DLGAP1: variants seen among roughly 807,000 people sequenced by gnomAD.
The protein encoded by DLGAP1 is disks large-associated protein 1.
A neutral mutation model predicts 90.8 loss-of-function variants in DLGAP1; 11 were observed. That is an observed-to-expected ratio of 0.12 (90% CI 0.08 to 0.20). The LOEUF is 0.20. DLGAP1 is among the 10% of genes least tolerant of loss of function. The pLI is 1.00. For synonymous variants in DLGAP1, 558 were observed against 540.7 expected (o/e 1.03, Z -0.44); for missense variants, 1,050 against 1,333.8 (o/e 0.79, Z 3.31).
chr18:4,157,935 T>C (rs1030777702), intron 1 of DLGAP1, among the ~76,000 whole-genome samples: 8 of 152,152 alleles, frequency 5.3e-5, no homozygotes, highest in African/African-American at 1.7e-4. Flanking sequence ...CGGGAGCCTA[T>C]TGCATCCTTT....
intron 4 of DLGAP1, among the ~76,000 whole-genome samples, chr18:3,826,254 A>G (rs1255852104): frequency 6.6e-6 from 1 of 152,212 alleles, no homozygotes; most frequent in South Asian, 2.1e-4. Context: ...AAGCCTGCAC[A>G]TGTATGCCCT....
At chr18:3,638,607 T>C (rs1434311767) in intron 7 of DLGAP1, among the ~76,000 whole-genome samples, 1 of 152,236 alleles carries the variant, frequency 6.6e-6, no homozygotes. Flanking sequence ...GTCACATTAA[T>C]GTATATCTTA....
chr18:3,737,142 C>A (rs1370101837), intron 6 of DLGAP1, among the ~76,000 whole-genome samples: 1 of 145,900 alleles, frequency 6.9e-6, no homozygotes, highest in Non-Finnish European at 1.5e-5. Flanking sequence ...GCTTACCAAC[C>A]AAAAAGAGTC....
intron 1 of DLGAP1, among the ~76,000 whole-genome samples, chr18:4,359,151 G>T (rs1458553384): frequency 6.6e-6 from 1 of 152,206 alleles, no homozygotes; most frequent in Non-Finnish European, 1.5e-5. Flanking sequence ...GAAAAGCAAA[G>T]ATATTAGTGA....
At chr18:4,390,581 T>C (rs1426147846) in intron 1 of DLGAP1, among the ~76,000 whole-genome samples, 1 of 152,218 alleles carries the variant, frequency 6.6e-6, no homozygotes, top group Non-Finnish European at 1.5e-5. Context: ...TCTCCATTGT[T>C]CTGACCTTTC....
chr18:3,869,777 A>G (rs2070631766), intron 4 of DLGAP1, among the ~76,000 whole-genome samples: 1 of 152,228 alleles, frequency 6.6e-6, no homozygotes, highest in African/African-American at 2.4e-5. Context: ...TACAAAGGAA[A>G]AAGTGGTATG....
chr18:4,356,643 C>G (rs963761640), intron 1 of DLGAP1, among the ~76,000 whole-genome samples: 1 of 152,176 alleles, frequency 6.6e-6, no homozygotes, highest in Non-Finnish European at 1.5e-5. Flanking sequence ...TTCTTGCCCA[C>G]TATTATCTCT....
At chr18:4,421,807 C>G (rs929624883) in intron 1 of DLGAP1, among the ~76,000 whole-genome samples, 1 of 152,168 alleles carries the variant, frequency 6.6e-6, no homozygotes, top group African/African-American at 2.4e-5. Flanking sequence ...CTCCTAGGTT[C>G]AAGCAACTCT....
intron 3 of DLGAP1, among the ~76,000 whole-genome samples, chr18:4,004,282 T>C (rs1223969678): frequency 1.3e-5 from 2 of 152,190 alleles, no homozygotes; most frequent in Non-Finnish European, 2.9e-5. Context: ...TTAATATTTT[T>C]CCCAGTGATT....
At chr18:4,023,847 C>A (rs578155233) in intron 2 of DLGAP1, among the ~76,000 whole-genome samples, 51 of 149,422 alleles carry the variant, frequency 3.4e-4, no homozygotes, top group African/African-American at 1.3e-3. Flanking sequence ...TTTCTCTTTT[C>A]TTTTTATTTA....
chr18:3,808,805 A>G (rs2066688076), intron 5 of DLGAP1, among the ~76,000 whole-genome samples: 1 of 152,056 alleles, frequency 6.6e-6, no homozygotes, highest in Admixed American at 6.6e-5. Context: ...AAGGGGAGCA[A>G]AAAACGTATA....
chr18:3,772,800 C>T (rs531508442), intron 5 of DLGAP1, among the ~76,000 whole-genome samples: 14 of 152,162 alleles, frequency 9.2e-5, no homozygotes, highest in East Asian at 1.9e-4. Context: ...ACTTCAGACC[C>T]GCTAAATTAG....
chr18:4,081,968 G>A (rs2075614480), intron 2 of DLGAP1, among the ~76,000 whole-genome samples: 1 of 152,146 alleles, frequency 6.6e-6, no homozygotes. Flanking sequence ...AGCACTATGG[G>A]AGGCTGAGGT....
At chr18:3,531,091 G>T (rs1419423196) in intron 10 of DLGAP1, among the ~76,000 whole-genome samples, 2 of 152,076 alleles carry the variant, frequency 1.3e-5, no homozygotes, top group African/African-American at 4.8e-5. Flanking sequence ...CACTAGTTTG[G>T]TGCATTTAGT....
chr18:3,874,059 C>T (rs1832337146), intron 4 of DLGAP1: 1 of 1,522,578 alleles, frequency 6.6e-7, no homozygotes, highest in South Asian at 1.2e-5. Context: ...AATAAAATCA[C>T]AAATACTACC....
At position 3,498,657 on chromosome 18, in the gene DLGAP1, T is replaced by C. The variant is rs1437648353; in HGVS notation, c.*528A>G. ...CCTCATGGATTCCAGTGAGATGGTG[T>C]GATTTCTGAGGTTGGGAATAAAGTG... On this transcript the variant is annotated 3_prime_UTR_variant, in exon 13 of 13. Transcript: ENST00000315677. 6.6e-6 allele frequency: 1 copy of C among 152,310 alleles called. No individual in the cohort carries two copies. Among genetic ancestry groups the C allele is most frequent in the Non-Finnish European group, 1.5e-5 (1 of 68,128 alleles). 9.4% of individuals were successfully genotyped at this position (152,310 alleles called of 1,614,324 possible).
intron 1 of DLGAP1, among the ~76,000 whole-genome samples, chr18:4,357,424 TC>T (rs1326529934): frequency 2.0e-5 from 3 of 152,092 alleles, no homozygotes; most frequent in Non-Finnish European, 4.4e-5. Flanking sequence ...ACCATTTCTT[TC>T]TTTGTTATCT....
intron 2 of DLGAP1, among the ~76,000 whole-genome samples, chr18:4,074,254 G>A (rs2075492603): frequency 6.6e-6 from 1 of 151,982 alleles, no homozygotes; most frequent in Non-Finnish European, 1.5e-5. Flanking sequence ...AATTTTTTTG[G>A]CATAGATTAT....
At chr18:3,504,559 GT>G (rs940060058) in intron 11 of DLGAP1, among the ~76,000 whole-genome samples, 1 of 151,738 alleles carries the variant, frequency 6.6e-6, no homozygotes, top group Non-Finnish European at 1.5e-5. Context: ...TAATTTTTGT[GT>G]TTTTTTGTAG....
Sources: gnomAD v4.1 joint callset for allele counts (sites outside exome capture counted in the v4.1 genomes callset) on GRCh38, gnomAD v4.1.1 for gene constraint, MANE v1.5 for transcripts, NCBI Gene and HGNC (gene_info 2026-07-23, HGNC 2026-07-21) for gene names.